Variants in GYS2 observed in about 807,000 individuals in gnomAD.
GYS2 encodes glycogen [starch] synthase, liver.
A neutral mutation model predicts 85.6 loss-of-function variants in GYS2; 80 were observed. The ratio of observed to expected loss-of-function variants is 0.93; its 90% CI spans 0.78 to 1.13. The LOEUF (loss-of-function observed/expected upper bound fraction) is 1.13. Among genes scored for constraint, GYS2 ranks in the 50% most tolerant of loss-of-function variants. The pLI, the probability that GYS2 is intolerant of heterozygous loss-of-function variation, is 0.00. For synonymous variants in GYS2, 328 were observed against 300.7 expected (o/e 1.09, Z -0.94); for missense variants, 881 against 854.9 (o/e 1.03, Z -0.38).
At chr12:21,574,915 G>A (rs1034012104) in intron 3 of GYS2, among the ~76,000 whole-genome samples, 1 of 151,524 alleles carries the variant, frequency 6.6e-6, no homozygotes, top group Non-Finnish European at 1.5e-5. Flanking sequence ...AAAAAAAAAT[G>A]CATATGAAGA....
intron 4 of GYS2, among the ~76,000 whole-genome samples, chr12:21,572,484 T>A (rs74066717): frequency 6.6e-6 from 1 of 152,158 alleles, no homozygotes; most frequent in Non-Finnish European, 1.5e-5. Context: ...AAATTCTAAA[T>A]TTAGTGTGAG....
intron 1 of GYS2, among the ~76,000 whole-genome samples, chr12:21,599,110 C>G (rs1483229446): frequency 2.0e-5 from 3 of 151,798 alleles, no homozygotes; most frequent in African/African-American, 4.8e-5. Flanking sequence ...CTGTCTCTCT[C>G]TCTATATATA....
At chr12:21,552,423 C>T (rs1488340500) in intron 11 of GYS2, among the ~76,000 whole-genome samples, 1 of 65,812 alleles carries the variant, frequency 1.5e-5, no homozygotes, top group Admixed American at 1.5e-4. Context: ...TATCAATGCA[C>T]TCTGAGAGTT....
At chr12:21,576,108 G>A (rs1281583281) in intron 2 of GYS2, 51 bp from the exon 3 acceptor site, 8 of 1,428,604 alleles carry the variant, frequency 5.6e-6, no homozygotes, top group African/African-American at 1.4e-5. Flanking sequence ...ATGCAAGACA[G>A]GACAATGTAT....
intron 5 of GYS2, among the ~76,000 whole-genome samples, 159 bp from the exon 6 acceptor site, chr12:21,563,504 A>G (rs1359185113): frequency 6.6e-6 from 1 of 152,226 alleles, no homozygotes; most frequent in Non-Finnish European, 1.5e-5. Context: ...AGTTCATAAA[A>G]AATTCATAAA....
intron 11 of GYS2, among the ~76,000 whole-genome samples, chr12:21,554,208 GAGC>G (rs1944149611): frequency 6.6e-6 from 1 of 151,520 alleles, no homozygotes; most frequent in Non-Finnish European, 1.5e-5. Context: ...GGAAGGAAGT[GAGC>G]AAGGAAGGAA....
At chr12:21,599,992 T>C (rs1233895847) in intron 1 of GYS2, among the ~76,000 whole-genome samples, 1 of 152,196 alleles carries the variant, frequency 6.6e-6, no homozygotes. Context: ...ACAGAGATGC[T>C]ATGTAATAAA....
At chr12:21,602,763 G>A (rs1039998793) in intron 1 of GYS2, among the ~76,000 whole-genome samples, 4 of 152,018 alleles carry the variant, frequency 2.6e-5, no homozygotes, top group African/African-American at 9.7e-5. Flanking sequence ...CAACACACAT[G>A]CTACTGATTA....
intron 1 of GYS2, among the ~76,000 whole-genome samples, chr12:21,599,126 A>G (rs1944727492): frequency 6.6e-6 from 1 of 151,986 alleles, no homozygotes; most frequent in South Asian, 2.1e-4. Context: ...ATATATGTAT[A>G]CACACATATA....
chr12:21,590,591 T>A (rs904550564), intron 1 of GYS2, among the ~76,000 whole-genome samples: 3 of 152,016 alleles, frequency 2.0e-5, no homozygotes, highest in African/African-American at 7.2e-5. Flanking sequence ...CCACACCCAC[T>A]GTCCAGAAGC....
chr12:21,558,441 T>C, intron 10 of GYS2, 128 bp from the exon 11 acceptor site: 2 of 689,810 alleles, frequency 2.9e-6, no homozygotes, highest in South Asian at 3.3e-5. Flanking sequence ...GCACTAATGA[T>C]GATGACTAAG....
chr12:21,574,256 A>G lies in GYS2; in HGVS notation c.566T>C (p.Ile189Thr). The G allele has an allele frequency of 2.5e-6, 4 of 1,613,786 alleles. No individual in the cohort carries two copies. Among genetic ancestry groups the G allele is most frequent in the Non-Finnish European group, 3.4e-6 (4 of 1,179,720 alleles). ...FHEWQAGIGL[I>T]LSRARKLPIA... ...AGGAAGTTTCCTGGCTCGAGAAAGGATCAGTCCAATTCCAGCCTGCCATTC... is the reference window on the plus strand; with the variant it reads ...AGGAAGTTTCCTGGCTCGAGAAAGGGTCAGTCCAATTCCAGCCTGCCATTC... Residue 189 changes from isoleucine (I) to threonine (T), a missense_variant, in exon 4 of 16, where the codon ATC becomes ACC. By Grantham distance (89) the Ile-to-Thr change is moderately conservative. Transcript: ENST00000261195.
intron 11 of GYS2, among the ~76,000 whole-genome samples, chr12:21,556,940 C>A (rs761543390): frequency 3.3e-5 from 5 of 151,958 alleles, no homozygotes; most frequent in Non-Finnish European, 5.9e-5. Context: ...AGAGAAGAAG[C>A]TAGTGATAAG....
At chr12:21,584,449 C>A (rs1470548673) in intron 1 of GYS2, among the ~76,000 whole-genome samples, 1 of 143,486 alleles carries the variant, frequency 7.0e-6, no homozygotes, top group Non-Finnish European at 1.5e-5. Flanking sequence ...TCTGTGGACA[C>A]CACTCAGCCT....
At chr12:21,542,719 A>G in intron 12 of GYS2, 128 bp from the exon 13 acceptor site, 1 of 710,262 alleles carries the variant, frequency 1.4e-6, no homozygotes, top group Non-Finnish European at 2.6e-6. Flanking sequence ...TCACAACACT[A>G]AACTCTTTAC....
At position 21,536,746 on chromosome 12, in the gene GYS2, TG is replaced by T; in HGVS notation, c.*207del. The T allele has an allele frequency of 1.7e-6, 1 of 588,814 alleles. No individual in the cohort carries two copies. 36.5% of individuals were successfully genotyped at this position (588,814 alleles called of 1,614,324 possible). A position where few individuals can be genotyped will look rare whatever the true frequency, so the allele number is the denominator to read the frequency against. ...GTGCTCCTCCTCATGCCTAACTTTA[TG>T]GGGGAAACAAGAGTTGGGGAAAATA... On this transcript the variant is annotated 3_prime_UTR_variant, in exon 16 of 16. Transcript: ENST00000261195.
At chr12:21,589,233 A>C (rs1052341294) in intron 1 of GYS2, among the ~76,000 whole-genome samples, 44 of 152,214 alleles carry the variant, frequency 2.9e-4, no homozygotes, top group Admixed American at 2.9e-3. Context: ...GCTGAAGAAC[A>C]TAAGGGGGAA....
At chr12:21,592,269 T>C (rs538606125) in intron 1 of GYS2, among the ~76,000 whole-genome samples, 1 of 149,604 alleles carries the variant, frequency 6.7e-6, no homozygotes, top group Non-Finnish European at 1.5e-5. Context: ...ATTAACAAAA[T>C]GGCAGGAATA....
chr12:21,566,047 A>G (rs1408996526), intron 5 of GYS2, among the ~76,000 whole-genome samples: 1 of 152,220 alleles, frequency 6.6e-6, no homozygotes, highest in Admixed American at 6.5e-5. Flanking sequence ...TAAATTTATC[A>G]TACTGCCTTC....
Sources: allele counts gnomAD v4.1 joint callset (sites outside exome capture counted in the v4.1 genomes callset), GRCh38; gene constraint gnomAD v4.1.1; transcripts MANE v1.5; gene names NCBI Gene and HGNC (gene_info 2026-07-23, HGNC 2026-07-21).